RNF220: variants seen among roughly 807,000 people sequenced by gnomAD.
RNF220 encodes the protein E3 ubiquitin-protein ligase RNF220.
In RNF220, 7 loss-of-function variants were observed where a neutral mutation model predicts 67.1. That is an observed-to-expected ratio of 0.10 (90% CI 0.06 to 0.20). RNF220 has a LOEUF of 0.20. Among genes scored for constraint, RNF220 ranks in the 10% least tolerant of loss-of-function variants. The pLI, the probability that RNF220 is intolerant of heterozygous loss-of-function variation, is 1.00. For missense variants in RNF220, 565 were observed against 740.3 expected (o/e 0.76, Z 2.75); for synonymous variants, 270 against 283.2 (o/e 0.95, Z 0.47).
At chr1:44,556,851 G>C (rs1042750613) in intron 2 of RNF220, among the ~76,000 whole-genome samples, 1 of 152,028 alleles carries the variant, frequency 6.6e-6, no homozygotes, top group African/African-American at 2.4e-5. Flanking sequence ...AAGCCACCGC[G>C]CCCGGCCTCT....
intron 2 of RNF220, among the ~76,000 whole-genome samples, chr1:44,482,017 G>A (rs1003159553): frequency 1.3e-5 from 2 of 152,212 alleles, no homozygotes; most frequent in African/African-American, 4.8e-5. Flanking sequence ...TTTCCTGGGT[G>A]CCTGCTCTGT....
chr1:44,439,241 A>G (rs1651309449), intron 2 of RNF220, among the ~76,000 whole-genome samples: 1 of 152,200 alleles, frequency 6.6e-6, no homozygotes, highest in South Asian at 2.1e-4. Flanking sequence ...ATCTTTGGCA[A>G]TTTAGTAGAC....
intron 2 of RNF220, among the ~76,000 whole-genome samples, chr1:44,490,373 G>C (rs1000688283): frequency 1.3e-5 from 2 of 152,038 alleles, no homozygotes; most frequent in African/African-American, 4.8e-5. Flanking sequence ...AGGAGGCTGA[G>C]GCAGAAGAAT....
At chr1:44,613,526 G>T (rs1643410186) in intron 2 of RNF220, among the ~76,000 whole-genome samples, 1 of 152,144 alleles carries the variant, frequency 6.6e-6, no homozygotes, top group Admixed American at 6.5e-5. Flanking sequence ...AGGCCAAGAT[G>T]AGAGGATCAC....
chr1:44,415,377 G>T (rs1557902405), intron 2 of RNF220, among the ~76,000 whole-genome samples: 1 of 151,986 alleles, frequency 6.6e-6, no homozygotes, highest in East Asian at 1.9e-4. Context: ...AAGCTTCAGG[G>T]GCAGATGGGG....
Position 44,456,266 on chromosome 1 carries a change from A to G in RNF220, c.625+43544A>G, listed in dbSNP as rs551240504. The stretch of plus-strand genomic sequence containing the variant: ...CAATGTTCCTATTATGAAGTAAGGT[A>G]ACTGCATGTTGTAGAAGAAGGAAAA... On this transcript the variant is annotated intron_variant, in intron 2 of 14. Transcript: ENST00000361799. Among the ~76,000 whole-genome samples the G allele has an allele frequency of 5.7e-4, 87 of 152,300 alleles. 1 individual carries two copies. The highest frequency in any genetic ancestry group is 1.5e-3 in the South Asian group (7 of 4,824).
chr1:44,588,506 T>G (rs1413166356), intron 2 of RNF220, among the ~76,000 whole-genome samples: 1 of 152,246 alleles, frequency 6.6e-6, no homozygotes, highest in Non-Finnish European at 1.5e-5. Context: ...CAATCTGTCT[T>G]GGGGAAAGTG....
chr1:44,625,734 G>GTT (rs1643918760), intron 4 of RNF220, among the ~76,000 whole-genome samples: 1 of 151,960 alleles, frequency 6.6e-6, no homozygotes. Flanking sequence ...AACTGCAGGC[G>GTT]TATGTAGAAG....
chr1:44,467,637 C>T (rs1196161139), intron 2 of RNF220, among the ~76,000 whole-genome samples: 1 of 152,214 alleles, frequency 6.6e-6, no homozygotes, highest in Non-Finnish European at 1.5e-5. Context: ...ATCTTCTATC[C>T]AGACCACTAA....
chr1:44,499,092 C>T (rs1276939528), intron 2 of RNF220, among the ~76,000 whole-genome samples: 1 of 152,150 alleles, frequency 6.6e-6, no homozygotes, highest in African/African-American at 2.4e-5. Flanking sequence ...CCTATTGACC[C>T]TGCCTGCCTT....
At chr1:44,449,054 A>G (rs745602839) in intron 2 of RNF220, among the ~76,000 whole-genome samples, 19 of 152,160 alleles carry the variant, frequency 1.2e-4, no homozygotes, top group African/African-American at 4.3e-4. Context: ...CTCAAACTCA[A>G]CATGTCAAAA....
chr1:44,611,679 C>A (rs1643318027), intron 2 of RNF220, among the ~76,000 whole-genome samples: 1 of 152,140 alleles, frequency 6.6e-6, no homozygotes, highest in Non-Finnish European at 1.5e-5. Context: ...CCTTCATATC[C>A]TCCTCATAGT....
At chr1:44,626,592 T>C in intron 5 of RNF220, 194 bp downstream of exon 5, 1 of 588,730 alleles carries the variant, frequency 1.7e-6, no homozygotes, top group Non-Finnish European at 3.0e-6. Flanking sequence ...CTTAAATAGA[T>C]GGATTTTAGG....
intron 8 of RNF220, among the ~76,000 whole-genome samples, chr1:44,640,919 G>A (rs1644470804): frequency 6.6e-6 from 1 of 152,220 alleles, no homozygotes; most frequent in Admixed American, 6.5e-5. Flanking sequence ...TTTGTTGGGA[G>A]CAGCAGGTGA....
chr1:44,603,327 A>G (rs1667059233), intron 2 of RNF220, among the ~76,000 whole-genome samples: 1 of 152,262 alleles, frequency 6.6e-6, no homozygotes, highest in South Asian at 2.1e-4. Flanking sequence ...GGCTGAAGCC[A>G]GAGGCTGCAA....
intron 2 of RNF220, among the ~76,000 whole-genome samples, chr1:44,582,586 A>G (rs1340144885): frequency 2.0e-5 from 3 of 151,958 alleles, no homozygotes; most frequent in African/African-American, 7.3e-5. Flanking sequence ...GTGAAACCCC[A>G]TCTCTACTAA....
At chr1:44,458,796 G>A (rs1443608872) in intron 2 of RNF220, among the ~76,000 whole-genome samples, 1 of 152,200 alleles carries the variant, frequency 6.6e-6, no homozygotes, top group Non-Finnish European at 1.5e-5. Context: ...ACACTCAGCT[G>A]GTAAAAGTGG....
intron 2 of RNF220, among the ~76,000 whole-genome samples, chr1:44,598,824 C>T (rs570767555): frequency 5.3e-5 from 8 of 152,276 alleles, no homozygotes; most frequent in Non-Finnish European, 8.8e-5. Context: ...AGAGCTTCTA[C>T]CCTTTGACAC....
chr1:44,542,513 G>A (rs1341885040), intron 2 of RNF220, among the ~76,000 whole-genome samples: 4 of 152,192 alleles, frequency 2.6e-5, no homozygotes, highest in Non-Finnish European at 5.9e-5. Context: ...AGGCTCAGGC[G>A]CACAATCCCA....
Sources: allele counts gnomAD v4.1 joint callset (sites outside exome capture counted in the v4.1 genomes callset), GRCh38; gene constraint gnomAD v4.1.1; transcripts MANE v1.5; gene names NCBI Gene and HGNC (gene_info 2026-07-23, HGNC 2026-07-21).